The following FRMPD4 variants were observed in gnomAD, a reference collection of about 807,000 sequenced individuals.
FRMPD4 encodes the protein FERM and PDZ domain-containing protein 4.
FRMPD4 carries 22 observed loss-of-function variants against 94.1 expected under a neutral mutation model. The ratio of observed to expected loss-of-function variants is 0.23; its 90% CI spans 0.17 to 0.33. The LOEUF is 0.33. FRMPD4 is among the 10% of genes least tolerant of loss of function. FRMPD4 has a pLI of 1.00. For synonymous variants in FRMPD4, 631 were observed against 548.6 expected (o/e 1.15, Z -2.10); for missense variants, 1,111 against 1,339.9 (o/e 0.83, Z 2.67).
At chrX:12,219,066 A>G (rs1202182960) in intron 1 of FRMPD4, among the ~76,000 whole-genome samples, 2 of 112,163 alleles carry the variant, frequency 1.8e-5, no homozygotes, top group East Asian at 5.6e-4. Context: ...GTCTCAATCA[A>G]GAGCTTTTAA....
intron 1 of FRMPD4, among the ~76,000 whole-genome samples, chrX:12,332,121 T>C (rs1192522324): frequency 1.2e-5 from 1 of 82,048 alleles, no homozygotes; most frequent in East Asian, 3.6e-4. Context: ...ATATAATTTA[T>C]ATTTTATATA....
chrX:11,896,771 A>C (rs1344339462), intron 3 of FRMPD4, among the ~76,000 whole-genome samples: 1 of 111,983 alleles, frequency 8.9e-6, no homozygotes, highest in African/African-American at 3.2e-5. Flanking sequence ...TGGTCCATGG[A>C]TTGGGCCAAT....
intron 4 of FRMPD4, among the ~76,000 whole-genome samples, chrX:12,674,178 A>G (rs2059870936): frequency 8.9e-6 from 1 of 111,992 alleles, no homozygotes; most frequent in African/African-American, 3.3e-5. Context: ...AAACCATTAT[A>G]TTACATTGTT....
At chrX:12,127,252 T>C (rs978896840) in intron 3 of FRMPD4, among the ~76,000 whole-genome samples, 51 of 111,927 alleles carry the variant, frequency 4.6e-4, no homozygotes, top group African/African-American at 1.7e-3. Flanking sequence ...AAAAAATACC[T>C]GAGACTGGGT....
At chrX:12,277,546 C>A (rs2054459824) in intron 1 of FRMPD4, among the ~76,000 whole-genome samples, 1 of 112,075 alleles carries the variant, frequency 8.9e-6, no homozygotes, top group African/African-American at 3.3e-5. Flanking sequence ...GCCTTCACTT[C>A]CAGTCTCTGG....
rs149645250 is a variant in FRMPD4, at chrX:11,945,697, T to C, written c.95+67679T>C. 6.9e-3 allele frequency among the ~76,000 whole-genome samples: 761 copies of C among 111,003 alleles called. 5 individuals carry two copies. Among genetic ancestry groups the C allele is most frequent in the African/African-American group, 0.024 (730 of 30,499 alleles). On this transcript the variant is annotated intron_variant, in intron 3 of 18. Transcript: ENST00000640291. ...AGAGAGAGAGGAGTAGGTGCCAGGC[T>C]CCTTTTAACAACCAGCTCTCAAGTG...
chrX:12,064,361 A>G (rs1237551685), intron 3 of FRMPD4, among the ~76,000 whole-genome samples: 1 of 111,924 alleles, frequency 8.9e-6, no homozygotes, highest in East Asian at 2.8e-4. Flanking sequence ...GCAGCAGGGG[A>G]AAATTCATGA....
intron 1 of FRMPD4, among the ~76,000 whole-genome samples, chrX:12,250,284 A>G (rs3764801): frequency 0.12 from 13,438 of 110,861 alleles, 776 homozygotes; most frequent in South Asian, 0.25. Context: ...CTGGGCATTT[A>G]ACAATGTCCT....
intron 2 of FRMPD4, among the ~76,000 whole-genome samples, chrX:12,534,410 CTG>C (rs1248901565): frequency 8.9e-6 from 1 of 112,051 alleles, no homozygotes; most frequent in Non-Finnish European, 1.9e-5. Context: ...TCCTAGTGAG[CTG>C]TGAGAAGAAG....
At chrX:12,601,865 T>C (rs1038518994) in intron 2 of FRMPD4, among the ~76,000 whole-genome samples, 1 of 111,353 alleles carries the variant, frequency 9.0e-6, no homozygotes, top group Admixed American at 9.6e-5. Context: ...CTGCTTCTCC[T>C]GAAGTTGCTG....
chrX:12,666,571 C>T (rs2059782832), intron 4 of FRMPD4, among the ~76,000 whole-genome samples: 2 of 112,036 alleles, frequency 1.8e-5, no homozygotes, highest in Admixed American at 1.9e-4. Context: ...GAAATCATTA[C>T]AAACAGTCTC....
intron 1 of FRMPD4, among the ~76,000 whole-genome samples, chrX:12,330,708 C>T (rs781282076): frequency 4.5e-5 from 5 of 111,191 alleles, no homozygotes; most frequent in Non-Finnish European, 9.4e-5. Flanking sequence ...CTTTGTTTGC[C>T]GCAGTGCCCT....
chrX:11,914,290 T>C (rs1192747500), intron 3 of FRMPD4, among the ~76,000 whole-genome samples: 17 of 91,432 alleles, frequency 1.9e-4, no homozygotes, highest in Non-Finnish European at 2.7e-4. Context: ...GACTTTTTTT[T>C]CTTTTTTTTT....
intron 1 of FRMPD4, among the ~76,000 whole-genome samples, chrX:12,250,351 G>C (rs144384963): frequency 9.0e-6 from 1 of 111,399 alleles, no homozygotes; most frequent in Non-Finnish European, 1.9e-5. Flanking sequence ...ATTTGACAAT[G>C]ATTATTTTCA....
intron 3 of FRMPD4, among the ~76,000 whole-genome samples, chrX:11,965,695 A>G (rs928035958): frequency 1.8e-5 from 2 of 112,125 alleles, no homozygotes; most frequent in African/African-American, 6.5e-5. Context: ...TCTTTTGTCA[A>G]TAGGACATGG....
At chrX:12,482,861 T>A (rs1198281030) in intron 1 of FRMPD4, among the ~76,000 whole-genome samples, 1 of 112,335 alleles carries the variant, frequency 8.9e-6, no homozygotes, top group Non-Finnish European at 1.9e-5. Flanking sequence ...CAATTCATAC[T>A]TGCCACATTT....
chrX:12,490,365 C>A (rs374240249), intron 1 of FRMPD4, among the ~76,000 whole-genome samples: 4 of 110,797 alleles, frequency 3.6e-5, no homozygotes, highest in East Asian at 2.9e-4. Flanking sequence ...TTGGGGGACA[C>A]GCTCAAACCA....
At chrX:12,017,567 A>G (rs2054610736) in intron 3 of FRMPD4, among the ~76,000 whole-genome samples, 1 of 112,528 alleles carries the variant, frequency 8.9e-6, no homozygotes, top group African/African-American at 3.2e-5. Flanking sequence ...GGTCAAGAGT[A>G]TATTGTCCAA....
chrX:12,676,335 C>T (rs1250230401), intron 5 of FRMPD4, among the ~76,000 whole-genome samples: 2 of 112,333 alleles, frequency 1.8e-5, no homozygotes, highest in African/African-American at 3.2e-5. Context: ...TCACTTACTT[C>T]ACATCTATAC....
Sources: allele counts gnomAD v4.1 joint callset (sites outside exome capture counted in the v4.1 genomes callset), GRCh38; gene constraint gnomAD v4.1.1; transcripts MANE v1.5; gene names NCBI Gene and HGNC (gene_info 2026-07-23, HGNC 2026-07-21).